The following ABCA13 variants were observed in gnomAD, a reference collection of about 807,000 sequenced individuals.
ABCA13 encodes the protein ATP-binding cassette sub-family A member 13.
In ABCA13, 476 loss-of-function variants were observed where a neutral mutation model predicts 478.7. The ratio of observed to expected loss-of-function variants is 0.99; its 90% confidence interval spans 0.92 to 1.07. ABCA13 has a LOEUF of 1.07. Ranked by LOEUF, ABCA13 falls within the 50% of genes least tolerant of loss-of-function variation. The pLI is 0.00. For synonymous variants in ABCA13, 2,252 were observed against 2,158.9 expected, an observed-to-expected ratio of 1.04 and a Z score of -1.20; for missense variants, 6,060 against 5,910.6, an observed-to-expected ratio of 1.03 and a Z score of -0.83.
intron 57 of ABCA13, among the ~76,000 whole-genome samples, chr7:48,588,430 C>G (rs1419686751): frequency 6.6e-6 from 1 of 152,212 alleles, no homozygotes; most frequent in Non-Finnish European, 1.5e-5. Flanking sequence ...ATGAAGGGGC[C>G]TCTGCTCTGT....
chr7:48,587,360 G>GT, intron 57 of ABCA13, 72 bp downstream of exon 57: 1 of 1,441,780 alleles, frequency 6.9e-7, no homozygotes, highest in Non-Finnish European at 9.2e-7. Flanking sequence ...GATTTTAAGG[G>GT]TTTTTCTGGG....
chr7:48,534,302 C>G (rs1438518821), intron 55 of ABCA13, among the ~76,000 whole-genome samples: 1 of 152,120 alleles, frequency 6.6e-6, no homozygotes, highest in African/African-American at 2.4e-5. Flanking sequence ...AAATAGAACC[C>G]TGATCCCTTC....
chr7:48,454,490 C>T (rs1357336807), intron 42 of ABCA13, among the ~76,000 whole-genome samples: 6 of 152,082 alleles, frequency 3.9e-5, no homozygotes, highest in Non-Finnish European at 7.4e-5. Context: ...ACATTCGCTG[C>T]GTCCCCCAGA....
chr7:48,562,106 G>T (rs920360834), intron 55 of ABCA13, among the ~76,000 whole-genome samples: 3 of 136,260 alleles, frequency 2.2e-5, no homozygotes, highest in Non-Finnish European at 3.0e-5. Context: ...CATATGTATG[G>T]GGGGGGAGGT....
chr7:48,295,788 G>A lies in ABCA13; in HGVS notation c.9044G>A (p.Ser3015Asn). 4 of 1,614,034 alleles carry A rather than the reference G, an allele frequency of 2.5e-6. No individual in the cohort carries two copies. Among genetic ancestry groups the A allele is most frequent in the African/African-American group, 1.3e-5 (1 of 75,064 alleles). Residue 3015 changes from serine to asparagine, a missense_variant, in exon 21 of 62, where the codon AGC (serine) becomes AAC (asparagine). Coordinates refer to ENST00000435803, the MANE Select transcript of ABCA13 (RefSeq NM_152701.5). The part of the protein sequence containing the change: ...NLSSTLESFK[S>N]SLENATGQDC... ...TCTAGCACCTTGGAGAGCTTCAAGA[G>A]CAGCTTGGAAAATGCCACTGGCCAG...
intron 55 of ABCA13, among the ~76,000 whole-genome samples, chr7:48,530,600 C>T (rs1207595394): frequency 2.0e-5 from 3 of 152,086 alleles, no homozygotes; most frequent in Non-Finnish European, 4.4e-5. Context: ...AGTTTACATT[C>T]CCACCAACAG....
At chr7:48,587,348 C>A in intron 57 of ABCA13, 60 bp downstream of exon 57, 1 of 1,483,322 alleles carries the variant, frequency 6.7e-7, no homozygotes. Context: ...GATTTATAAA[C>A]TGATTTTAAG....
At chr7:48,296,020 A>G (rs1431959355) in intron 21 of ABCA13, among the ~76,000 whole-genome samples, 157 bp downstream of exon 21, 1 of 152,238 alleles carries the variant, frequency 6.6e-6, no homozygotes, top group Non-Finnish European at 1.5e-5. Flanking sequence ...GTTTTCCATG[A>G]CAATTTTTGA....
intron 58 of ABCA13, among the ~76,000 whole-genome samples, chr7:48,614,920 G>A (rs1237971056): frequency 1.4e-5 from 2 of 147,644 alleles, no homozygotes; most frequent in Admixed American, 6.9e-5. Context: ...AACATTAGGA[G>A]ATATACCTAA....
intron 35 of ABCA13, among the ~76,000 whole-genome samples, chr7:48,385,438 A>G (rs964524225): frequency 1.3e-5 from 2 of 152,188 alleles, no homozygotes; most frequent in African/African-American, 2.4e-5. Context: ...TTAGTTTGCT[A>G]AGGATAATGG....
intron 55 of ABCA13, among the ~76,000 whole-genome samples, chr7:48,567,194 A>G (rs1585833528): frequency 6.6e-6 from 1 of 152,138 alleles, no homozygotes; most frequent in East Asian, 1.9e-4. Context: ...CTGTCATTGA[A>G]CTGGATGACG....
intron 53 of ABCA13, among the ~76,000 whole-genome samples, chr7:48,521,860 A>G (rs1832564658): frequency 6.6e-6 from 1 of 152,164 alleles, no homozygotes; most frequent in African/African-American, 2.4e-5. Flanking sequence ...GTTGCCTACT[A>G]CCATTTTATG....
chr7:48,280,488 T>G (rs1047170982), intron 18 of ABCA13, among the ~76,000 whole-genome samples: 1 of 152,220 alleles, frequency 6.6e-6, no homozygotes, highest in Non-Finnish European at 1.5e-5. Context: ...TGTCATGCCT[T>G]GGAAGCAGTC....
At chr7:48,318,052 C>T (rs1439308778) in intron 27 of ABCA13, among the ~76,000 whole-genome samples, 1 of 152,174 alleles carries the variant, frequency 6.6e-6, no homozygotes, top group African/African-American at 2.4e-5. Flanking sequence ...TTGTCAAACA[C>T]AGAAGAGAAG....
intron 55 of ABCA13, among the ~76,000 whole-genome samples, chr7:48,571,170 T>C (rs1240179556): frequency 6.6e-6 from 1 of 152,184 alleles, no homozygotes; most frequent in African/African-American, 2.4e-5. Flanking sequence ...TTTTAAATTA[T>C]TCTATTATGG....
chr7:48,336,010 A>G (rs1426584673), intron 28 of ABCA13, among the ~76,000 whole-genome samples: 1 of 152,232 alleles, frequency 6.6e-6, no homozygotes, highest in Non-Finnish European at 1.5e-5. Flanking sequence ...TGTAGCTTCA[A>G]CTTACCTTAA....
intron 53 of ABCA13, among the ~76,000 whole-genome samples, chr7:48,521,944 T>G (rs1167930141): frequency 7.3e-6 from 1 of 136,250 alleles, no homozygotes; most frequent in Non-Finnish European, 1.6e-5. Flanking sequence ...CCACTAATCA[T>G]TGTTTGAAAG....
At chr7:48,182,631 T>C (rs570279703) in intron 1 of ABCA13, among the ~76,000 whole-genome samples, 22 of 152,230 alleles carry the variant, frequency 1.4e-4, no homozygotes, top group Admixed American at 8.5e-4. Context: ...TATTTTTCAA[T>C]AGAAAGCCAA....
chr7:48,493,495 T>G (rs891790253), intron 48 of ABCA13, among the ~76,000 whole-genome samples: 6 of 152,202 alleles, frequency 3.9e-5, no homozygotes, highest in Non-Finnish European at 7.3e-5. Flanking sequence ...GATAGGAAGG[T>G]ATCTTCCTCT....
Sources: allele counts gnomAD v4.1 joint callset (sites outside exome capture counted in the v4.1 genomes callset), GRCh38; gene constraint gnomAD v4.1.1; transcripts MANE v1.5; gene names NCBI Gene and HGNC (gene_info 2026-07-23, HGNC 2026-07-21).